Variants in SEC24A observed in about 807,000 individuals in gnomAD.
The protein encoded by SEC24A is protein transport protein Sec24A.
A neutral mutation model predicts 129.4 loss-of-function variants in SEC24A; 93 were observed. That is an observed-to-expected ratio of 0.72 (90% CI 0.61 to 0.85). The LOEUF is 0.85. SEC24A is among the 40% of genes least tolerant of loss of function. SEC24A has a pLI of 0.00. For missense variants in SEC24A, 1,264 were observed against 1,307.4 expected (o/e 0.97, Z 0.51); for synonymous variants, 460 against 467.3 (o/e 0.98, Z 0.20).
At chr5:134,669,005 G>A (rs931831116) in intron 3 of SEC24A, among the ~76,000 whole-genome samples, 3 of 150,904 alleles carry the variant, frequency 2.0e-5, no homozygotes, top group African/African-American at 7.3e-5. Flanking sequence ...CCGAGAGGTG[G>A]AGGTTGCAGT....
chr5:134,724,865 G>A, intron 22 of SEC24A, 115 bp from the exon 23 acceptor site: 1 of 633,966 alleles, frequency 1.6e-6, no homozygotes, highest in Non-Finnish European at 2.8e-6. Context: ...AAAGCCTCTA[G>A]AAGTAACTGT....
intron 20 of SEC24A, among the ~76,000 whole-genome samples, chr5:134,719,203 G>A (rs1752563117): frequency 6.6e-6 from 1 of 151,938 alleles, no homozygotes; most frequent in Non-Finnish European, 1.5e-5. Flanking sequence ...GCAACATGGT[G>A]AAACCCTGTC....
chr5:134,674,512 G>A (rs1353175096), intron 4 of SEC24A, 103 bp from the exon 5 acceptor site: 2 of 1,025,614 alleles, frequency 2.0e-6, no homozygotes, highest in Admixed American at 2.6e-5. Flanking sequence ...ACTGCAGCCT[G>A]GGCAATAGTG....
At chr5:134,667,823 C>A (rs778238614) in intron 3 of SEC24A, among the ~76,000 whole-genome samples, 3 of 152,118 alleles carry the variant, frequency 2.0e-5, no homozygotes, top group Non-Finnish European at 4.4e-5. Flanking sequence ...ATGTTAGCTA[C>A]ATGCAATTTT....
intron 3 of SEC24A, among the ~76,000 whole-genome samples, chr5:134,669,975 G>A (rs184897418): frequency 1.3e-3 from 193 of 152,196 alleles, no homozygotes; most frequent in African/African-American, 4.5e-3. Context: ...TTTCCAGGCT[G>A]GAGTGCAGTG....
intron 3 of SEC24A, among the ~76,000 whole-genome samples, chr5:134,670,283 A>C (rs1490322621): frequency 1.3e-5 from 2 of 152,180 alleles, no homozygotes; most frequent in Non-Finnish European, 2.9e-5. Context: ...TGTTTCTCCT[A>C]AAAGTTTTAC....
At chr5:134,711,880 T>C (rs545719696) in intron 18 of SEC24A, among the ~76,000 whole-genome samples, 251 of 152,164 alleles carry the variant, frequency 1.6e-3, no homozygotes, top group Non-Finnish European at 2.1e-3. Context: ...CCCAAGTAGC[T>C]GGGACTACAG....
chr5:134,649,013 G>T lies in SEC24A; in HGVS notation c.-64G>T. 8.4e-7 allele frequency: 1 copy of T among 1,196,338 alleles called. No homozygotes were observed. Among genetic ancestry groups the T allele is most frequent in the South Asian group, 1.3e-5 (1 of 75,032 alleles). 74.1% of individuals were successfully genotyped at this position (1,196,338 alleles called of 1,614,324 possible). A position where few individuals can be genotyped will look rare whatever the true frequency, so the allele number is the denominator to read the frequency against. On this transcript the variant is annotated 5_prime_UTR_variant, in exon 1 of 23. Transcript: ENST00000398844. ...CCTCCTCCCTCCGCTTTCAGCAGTG[G>T]TCTTTCAGCTCTCTTCTTGTGCGCT...
chr5:134,682,525 C>A, intron 9 of SEC24A, 43 bp downstream of exon 9: 1 of 1,004,764 alleles, frequency 1.0e-6, no homozygotes, highest in Non-Finnish European at 1.5e-6. Flanking sequence ...TTTTTTATTA[C>A]CAGGTTTTAA....
At chr5:134,679,774 G>C (rs1389593288) in intron 8 of SEC24A, 46 bp downstream of exon 8, 6 of 1,440,944 alleles carry the variant, frequency 4.2e-6, no homozygotes, top group Admixed American at 2.0e-5. Context: ...TACTTGCATT[G>C]TAGGGAAATC....
chr5:134,698,037 T>A lies in SEC24A; in HGVS notation c.2246T>A (p.Met749Lys). ...CGGAAGATTGGCTTTGAGGCAGTCATGAGGATTCGGTGCACCAAAGGTAGG... is the reference window on the plus strand; with the variant it reads ...CGGAAGATTGGCTTTGAGGCAGTCAAGAGGATTCGGTGCACCAAAGGTAGG... ...LTRKIGFEAV[M>K]RIRCTKGLSI... The change falls in exon 15 of 23, where the codon ATG becomes AAG. Residue 749 changes from methionine (M) to lysine (K), a missense_variant. Coordinates refer to ENST00000398844, the MANE Select transcript of SEC24A (RefSeq NM_021982.3). 1 of 1,611,222 alleles carries A rather than the reference T, an allele frequency of 6.2e-7. No homozygotes were observed. The highest frequency in any genetic ancestry group is 8.5e-7 in the Non-Finnish European group (1 of 1,179,280).
intron 3 of SEC24A, 93 bp from the exon 4 acceptor site, chr5:134,671,716 A>G: frequency 1.4e-6 from 1 of 733,182 alleles, no homozygotes. Context: ...TGTTGTTTAG[A>G]AAATTATTTA....
chr5:134,718,105 C>T lies in SEC24A; in HGVS notation c.2902C>T (p.Pro968Ser). 1.9e-6 allele frequency: 3 copies of T among 1,613,994 alleles called. No individual in the cohort carries two copies. Among genetic ancestry groups the T allele is most frequent in the South Asian group, 1.1e-5 (1 of 91,078 alleles). ...LNISDRTIPQPPILQLSVEKL... is the reference protein window; with the variant it reads ...LNISDRTIPQSPILQLSVEKL... Reference sequence around the variant, plus strand: ...CATCAGTGATAGAACCATACCTCAGCCCCCCATTCTTCAGCTTTCAGTGGA... The same window carrying T: ...CATCAGTGATAGAACCATACCTCAGTCCCCCATTCTTCAGCTTTCAGTGGA... Residue 968 changes from proline to serine, a missense_variant, in exon 20 of 23, where the codon CCC (proline) becomes TCC (serine). Pro to Ser is a moderately conservative substitution (Grantham distance 74). Coordinates refer to ENST00000398844, the MANE Select transcript of SEC24A (RefSeq NM_021982.3).
intron 13 of SEC24A, among the ~76,000 whole-genome samples, chr5:134,694,385 C>T (rs1203922605): frequency 2.0e-5 from 3 of 152,018 alleles, no homozygotes; most frequent in Admixed American, 6.6e-5. Context: ...ATTGGCTGGG[C>T]GCGGTGGCTC....
Position 134,692,586 on chromosome 5 carries a change from G to A in SEC24A, c.1724-16G>A, listed in dbSNP as rs1026564950. 4.3e-6 allele frequency: 5 copies of A among 1,150,894 alleles called. No individual in the cohort carries two copies. Among genetic ancestry groups the A allele is most frequent in the Admixed American group, 2.0e-5 (1 of 49,232 alleles). The allele number at this position is 1,150,894 out of a possible 1,614,324, so 71.3% of individuals were successfully genotyped here. On this transcript the variant is annotated splice_polypyrimidine_tract_variant and intron_variant, in intron 11 of 22. Transcript: ENST00000398844. The stretch of plus-strand genomic sequence containing the variant: ...ATTACATTTTGTTTAAAATAAATAT[G>A]TATTTCTTCTTTCAGATGTTTTTAT...
rs1561810788 is a variant in SEC24A at position 134,675,049 on chromosome 5, C to T, written c.983C>T (p.Pro328Leu). Residue 328 changes from proline to leucine, a missense_variant, in exon 6 of 23, where the codon CCC (proline) becomes CTC (leucine). Transcript: ENST00000398844. ...PSGPQAFTQTPLGANHLTTSM... is the reference protein window; with the variant it reads ...PSGPQAFTQTLLGANHLTTSM... ...TTTAAAATTATGTATCTGTAGACTC[C>T]CTTAGGTGCTAATCATTTAACCACA... The T allele has an allele frequency of 6.3e-7, 1 of 1,596,510 alleles. No homozygotes were observed. Among genetic ancestry groups the T allele is most frequent in the Non-Finnish European group, 8.6e-7 (1 of 1,168,114 alleles).
intron 7 of SEC24A, among the ~76,000 whole-genome samples, chr5:134,676,513 G>A (rs898316857): frequency 4.9e-5 from 7 of 142,800 alleles, no homozygotes; most frequent in African/African-American, 1.3e-4. Flanking sequence ...GCGAGATCTC[G>A]GCTCACCGCA....
chr5:134,665,257 C>T (rs1750618863), intron 2 of SEC24A, among the ~76,000 whole-genome samples: 1 of 151,326 alleles, frequency 6.6e-6, no homozygotes. Context: ...GATCAGCCTC[C>T]AGCCTGGCCA....
chr5:134,713,874 C>CAAA (rs151183691), intron 18 of SEC24A, among the ~76,000 whole-genome samples: 20 of 94,896 alleles, frequency 2.1e-4, no homozygotes, highest in African/African-American at 6.5e-4. Context: ...ACTAAAAATA[C>CAAA]AAAAAAAAAA....
Sources: gnomAD v4.1 joint callset for allele counts (sites outside exome capture counted in the v4.1 genomes callset) on GRCh38, gnomAD v4.1.1 for gene constraint, MANE v1.5 for transcripts, NCBI Gene and HGNC (gene_info 2026-07-23, HGNC 2026-07-21) for gene names.